RTTN: variants seen among roughly 807,000 people sequenced by gnomAD.
RTTN encodes the protein rotatin.
A neutral mutation model predicts 269.2 loss-of-function variants in RTTN; 182 were observed. That is an observed-to-expected ratio of 0.68 (90% CI 0.60 to 0.76). The LOEUF (loss-of-function observed/expected upper bound fraction) is 0.76, where lower values mean the gene tolerates loss of function less well. RTTN is among the 30% of genes least tolerant of loss of function. RTTN has a pLI of 0.00. For missense variants in RTTN, 2,545 were observed against 2,608.6 expected, an observed-to-expected ratio of 0.98 and a Z score of 0.53; for synonymous variants, 1,006 against 963.5, an observed-to-expected ratio of 1.04 and a Z score of -0.82.
intron 14 of RTTN, among the ~76,000 whole-genome samples, chr18:70,156,504 G>A (rs567036050): frequency 2.6e-5 from 4 of 152,186 alleles, no homozygotes; most frequent in South Asian, 2.1e-4. Flanking sequence ...CTATGATCTC[G>A]CCCTGCCTCC....
chr18:70,176,946 T>A (rs904544328), intron 10 of RTTN, 101 bp from the exon 11 acceptor site: 2 of 828,538 alleles, frequency 2.4e-6, no homozygotes, highest in Non-Finnish European at 3.5e-6. Flanking sequence ...TCATTTTCAT[T>A]AAATAGGAAA....
At chr18:70,131,042 T>G (rs1240055446) in intron 23 of RTTN, 1 of 150,612 alleles carries the variant, frequency 6.6e-6, no homozygotes, top group Non-Finnish European at 1.5e-5. Flanking sequence ...GAAGCAACAA[T>G]AAAACTGACA....
At chr18:70,060,600 T>C (rs1010371466) in intron 35 of RTTN, among the ~76,000 whole-genome samples, 2 of 152,166 alleles carry the variant, frequency 1.3e-5, no homozygotes, top group African/African-American at 4.8e-5. Context: ...TACCATTTCT[T>C]TGTGTTGGGA....
At chr18:70,130,383 T>C (rs900626234) in intron 23 of RTTN, 1 of 152,032 alleles carries the variant, frequency 6.6e-6, no homozygotes, top group Non-Finnish European at 1.5e-5. Context: ...TACCTAAGTG[T>C]CCATCAATAG....
At chr18:70,013,956 T>A (rs1252748177) in intron 46 of RTTN, among the ~76,000 whole-genome samples, 1 of 152,332 alleles carries the variant, frequency 6.6e-6, no homozygotes, top group Non-Finnish European at 1.5e-5. Flanking sequence ...TCTGCTGCAT[T>A]CTGGATAATA....
chr18:70,071,764 G>T (rs1431833522), intron 34 of RTTN, among the ~76,000 whole-genome samples: 2 of 152,112 alleles, frequency 1.3e-5, no homozygotes, highest in Non-Finnish European at 2.9e-5. Flanking sequence ...CCCTAACTTG[G>T]CATTAACAGC....
chr18:70,158,987 T>C (rs1568482417), intron 14 of RTTN, among the ~76,000 whole-genome samples: 1 of 152,070 alleles, frequency 6.6e-6, no homozygotes, highest in Non-Finnish European at 1.5e-5. Context: ...CACAAAATAA[T>C]AGTGGGAGAC....
intron 10 of RTTN, among the ~76,000 whole-genome samples, chr18:70,180,530 C>A (rs1160070187): frequency 1.4e-5 from 2 of 146,314 alleles, no homozygotes; most frequent in Non-Finnish European, 3.0e-5. Context: ...TGCAGTGAGT[C>A]AAGATCACGC....
At chr18:70,033,927 A>C in intron 40 of RTTN, among the ~76,000 whole-genome samples, 1 of 152,328 alleles carries the variant, frequency 6.6e-6, no homozygotes. Context: ...AGACGATTAT[A>C]AACACTTCTA....
intron 43 of RTTN, 51 bp from the exon 44 acceptor site, chr18:70,024,899 A>G: frequency 6.3e-7 from 1 of 1,581,742 alleles, no homozygotes; most frequent in Non-Finnish European, 8.6e-7. Context: ...ATGAAAATAT[A>G]ACATTAAAAT....
At chr18:70,081,573 C>T (rs890455110) in intron 32 of RTTN, among the ~76,000 whole-genome samples, 3 of 152,010 alleles carry the variant, frequency 2.0e-5, no homozygotes, top group Non-Finnish European at 2.9e-5. Context: ...GCCAAAAATG[C>T]GTAACTCAAA....
At chr18:70,186,960 C>T (rs954589361) in intron 10 of RTTN, among the ~76,000 whole-genome samples, 1 of 152,130 alleles carries the variant, frequency 6.6e-6, no homozygotes, top group Non-Finnish European at 1.5e-5. Context: ...ACCAAACCCC[C>T]ATGACACAGT....
rs17808334 is a variant in RTTN, at chr18:70,199,399, C to T, written c.578+15G>A. Reference sequence around the variant, plus strand: ...AAGTGAACAAAAATACCTGAAAATACATCAAGCACCGTACCTTTCATTAGA... The same window carrying T: ...AAGTGAACAAAAATACCTGAAAATATATCAAGCACCGTACCTTTCATTAGA... On this transcript the variant is annotated intron_variant, in intron 5 of 48. Transcript: ENST00000640769. The T allele has an allele frequency of 0.024, 37,304 of 1,557,142 alleles. 597 individuals carry two copies. Among genetic ancestry groups the T allele is most frequent in the Admixed American group, 0.053 (3,172 of 59,676 alleles).
intron 44 of RTTN, among the ~76,000 whole-genome samples, chr18:70,024,449 T>C (rs1160326765): frequency 3.3e-5 from 5 of 152,150 alleles, no homozygotes; most frequent in Admixed American, 6.5e-5. Context: ...CTCTCAATTT[T>C]CCTACTAAAC....
At chr18:70,087,194 A>C (rs573570274) in intron 31 of RTTN, among the ~76,000 whole-genome samples, 43 of 152,290 alleles carry the variant, frequency 2.8e-4, no homozygotes, top group African/African-American at 1.0e-3. Flanking sequence ...AAGATGATCA[A>C]ATTAAATAAT....
chr18:70,203,644 G>C (rs917823980), intron 3 of RTTN, among the ~76,000 whole-genome samples: 2 of 152,134 alleles, frequency 1.3e-5, no homozygotes, highest in African/African-American at 4.8e-5. Context: ...TATCATGATG[G>C]ACTGCAGCAT....
chr18:70,134,386 G>T (rs2060070954), intron 23 of RTTN, 87 bp downstream of exon 23: 1 of 1,041,458 alleles, frequency 9.6e-7, no homozygotes. Context: ...AATGCTAAAT[G>T]AAAATTGTGA....
chr18:70,021,350 G>T (rs1300447535), intron 44 of RTTN, among the ~76,000 whole-genome samples: 1 of 152,116 alleles, frequency 6.6e-6, no homozygotes, highest in Admixed American at 6.6e-5. Flanking sequence ...CCAGGGTTCA[G>T]TGTTTCTCAG....
intron 32 of RTTN, among the ~76,000 whole-genome samples, chr18:70,079,911 T>A (rs1211317292): frequency 1.3e-5 from 2 of 152,024 alleles, no homozygotes; most frequent in African/African-American, 4.8e-5. Flanking sequence ...AAAGTAAGAA[T>A]AACATTTAAG....
Sources: allele counts gnomAD v4.1 joint callset (sites outside exome capture counted in the v4.1 genomes callset), GRCh38; gene constraint gnomAD v4.1.1; transcripts MANE v1.5; gene names NCBI Gene and HGNC (gene_info 2026-07-23, HGNC 2026-07-21).